TRIM62: variants seen among roughly 807,000 people sequenced by gnomAD.
TRIM62 encodes the protein E3 ubiquitin-protein ligase TRIM62.
A neutral mutation model predicts 44.2 loss-of-function variants in TRIM62; 39 were observed. The ratio of observed to expected loss-of-function variants is 0.88; its 90% CI spans 0.68 to 1.15. TRIM62 has a LOEUF of 1.15. Among genes scored for constraint, TRIM62 ranks in the 50% most tolerant of loss-of-function variants. The pLI is 0.00. For missense variants in TRIM62, 544 were observed against 665.5 expected, an observed-to-expected ratio of 0.82 and a Z score of 2.01; for synonymous variants, 278 against 292.3, an observed-to-expected ratio of 0.95 and a Z score of 0.50.
chr1:33,152,466 C>G (rs139236752), intron 4 of TRIM62, among the ~76,000 whole-genome samples: 3 of 151,630 alleles, frequency 2.0e-5, no homozygotes, highest in Non-Finnish European at 4.4e-5. Flanking sequence ...ACTTGGGAGG[C>G]TGAGGCAGGA....
intron 1 of TRIM62, among the ~76,000 whole-genome samples, chr1:33,178,861 C>G (rs1645440628): frequency 6.6e-6 from 1 of 152,174 alleles, no homozygotes; most frequent in African/African-American, 2.4e-5. Flanking sequence ...TCCTGTGTCC[C>G]CCAGGTCATG....
chr1:33,181,077 A>G lies in TRIM62; in HGVS notation c.356T>C (p.Leu119Pro), dbSNP rs148646894. 1.2e-4 allele frequency: 194 copies of G among 1,599,024 alleles called. No homozygotes were observed. Among genetic ancestry groups the G allele is most frequent in the Non-Finnish European group, 1.6e-4 (187 of 1,178,310 alleles). ...LLCFFCDEPA[L>P]HEQHQVTGID... The stretch of plus-strand genomic sequence containing the variant: ...GCCGGTGACCTGATGCTGCTCGTGC[A>G]GTGCAGGCTCGTCGCAGAAGAAGCA... Residue 119 changes from leucine to proline, a missense_variant, in exon 1 of 5, where the codon CTG (leucine) becomes CCG (proline). Leu to Pro is a moderately conservative substitution (Grantham distance 98, BLOSUM62 -3). Coordinates refer to ENST00000291416, the MANE Select transcript of TRIM62 (RefSeq NM_018207.3). This position sits in a 1 kb window ranked among gnomAD's most constrained non-coding sequence, Gnocchi z 6.5.
At chr1:33,162,674 G>A (rs2335268) in intron 2 of TRIM62, among the ~76,000 whole-genome samples, 3 of 152,268 alleles carry the variant, frequency 2.0e-5, no homozygotes, top group Admixed American at 6.5e-5. Flanking sequence ...TCTCAAGGAC[G>A]AGAGAGGATG....
chr1:33,152,164 A>G (rs1476074736), intron 4 of TRIM62, among the ~76,000 whole-genome samples: 1 of 152,220 alleles, frequency 6.6e-6, no homozygotes, highest in Admixed American at 6.5e-5. Flanking sequence ...CTCTGAGGTA[A>G]GTGGCTTGCT....
In TRIM62 at chr1:33,158,240, A is replaced by G; in HGVS notation, c.877+13T>C. 6.2e-7 allele frequency: 1 copy of G among 1,611,694 alleles called. No homozygotes were observed. The highest frequency in any genetic ancestry group is 8.5e-7 in the Non-Finnish European group (1 of 1,177,960). On this transcript the variant is annotated intron_variant, in intron 4 of 4. Coordinates refer to ENST00000291416, the MANE Select transcript of TRIM62 (RefSeq NM_018207.3). ...CCCCACCTAGCTCTGGACCATGATA[A>G]CCCATGCCTTACCTGGGTGGATGTC... is the stretch of plus-strand genomic sequence containing the variant.
intron 1 of TRIM62, among the ~76,000 whole-genome samples, chr1:33,166,928 TA>T (rs963937479): frequency 3.3e-5 from 5 of 152,308 alleles, no homozygotes; most frequent in African/African-American, 1.2e-4. Flanking sequence ...AATATTGCAT[TA>T]AATACTATTC....
In TRIM62 at chr1:33,145,758, C is replaced by A; in HGVS notation, c.*1419G>T. 1 of 423,800 alleles carries A rather than the reference C, an allele frequency of 2.4e-6. No individual in the cohort carries two copies. The allele number at this position is 423,800 out of a possible 1,614,324, so 26.3% of individuals were successfully genotyped here. On this transcript the variant is annotated 3_prime_UTR_variant, in exon 5 of 5. Transcript: ENST00000291416. ...GCAGGGATAGAGCCAAGGGGCAGGA[C>A]AACCCTAGATGTGGACTCCACCCTC...
chr1:33,149,590 G>A (rs1407934564), intron 4 of TRIM62, among the ~76,000 whole-genome samples: 1 of 151,910 alleles, frequency 6.6e-6, no homozygotes, highest in Non-Finnish European at 1.5e-5. Flanking sequence ...GAGTAGCTGA[G>A]ACTATAGGCA....
chr1:33,160,666 A>C (rs1645253722), intron 2 of TRIM62, among the ~76,000 whole-genome samples: 1 of 152,124 alleles, frequency 6.6e-6, no homozygotes, highest in East Asian at 1.9e-4. Flanking sequence ...TGGCCTCCCA[A>C]AGTGCTGGGA....
intron 1 of TRIM62, among the ~76,000 whole-genome samples, chr1:33,175,520 A>C (rs1645412416): frequency 6.6e-6 from 1 of 152,158 alleles, no homozygotes; most frequent in South Asian, 2.1e-4. Context: ...CAGTTTCCCC[A>C]TCTGCAAAAT....
chr1:33,179,231 G>A (rs72885956), intron 1 of TRIM62, among the ~76,000 whole-genome samples: 2,417 of 152,348 alleles, frequency 0.016, 60 homozygotes, highest in African/African-American at 0.054. Context: ...GCCAAGCCTT[G>A]TGCAGGCTCC....
intron 1 of TRIM62, among the ~76,000 whole-genome samples, chr1:33,168,593 C>T (rs911566691): frequency 3.9e-5 from 6 of 152,194 alleles, no homozygotes; most frequent in African/African-American, 1.2e-4. Flanking sequence ...GAGAGAGAAA[C>T]GCACCCCATC....
At chr1:33,151,559 C>T (rs990551453) in intron 4 of TRIM62, among the ~76,000 whole-genome samples, 2 of 152,142 alleles carry the variant, frequency 1.3e-5, no homozygotes, top group South Asian at 2.1e-4. Context: ...TCAGTTCCTC[C>T]ATCTGTCCCT....
In TRIM62 at chr1:33,177,469, C is replaced by A; in HGVS notation, c.408+3556G>T. 6.6e-6 allele frequency among the ~76,000 whole-genome samples: 1 copy of A among 152,142 alleles called. No individual in the cohort carries two copies. Among genetic ancestry groups the A allele is most frequent in the East Asian group, 1.9e-4 (1 of 5,188 alleles). On this transcript the variant is annotated intron_variant, in intron 1 of 4. Coordinates refer to ENST00000291416, the MANE Select transcript of TRIM62 (RefSeq NM_018207.3). The surrounding 1 kb of genome is among the most constrained non-coding windows in gnomAD (Gnocchi z 4.1). ...CCAAGGACACACAGCATGTCAGGAT[C>A]TGACCCCTGTGATGTAATCTGGAGT... is the stretch of plus-strand genomic sequence containing the variant.
At chr1:33,175,651 C>T (rs4045790) in intron 1 of TRIM62, among the ~76,000 whole-genome samples, 1 of 152,182 alleles carries the variant, frequency 6.6e-6, no homozygotes, top group South Asian at 2.1e-4. Flanking sequence ...AATCTCAGCT[C>T]TTCCTCCTAC....
At position 33,159,908 on chromosome 1, in the gene TRIM62, C is replaced by T. The variant is rs1298427438; in HGVS notation, c.541G>A (p.Ala181Thr). ...AGCAGCCGGTGCAGCCGCTCGAAGG[C>T]CTCGCCGATAGTGGTCCGCAGGCTC... ...TKSLRTTIGEAFERLHRLLRE... is the reference protein window; with the variant it reads ...TKSLRTTIGETFERLHRLLRE... Residue 181 changes from alanine (A) to threonine (T), a missense_variant, in exon 3 of 5, where the codon GCC becomes ACC. Coordinates refer to ENST00000291416, the MANE Select transcript of TRIM62 (RefSeq NM_018207.3). This position sits in a 1 kb window ranked among gnomAD's most constrained non-coding sequence, Gnocchi z 4.2. 3 of 1,608,462 alleles carry T rather than the reference C, an allele frequency of 1.9e-6. No individual in the cohort carries two copies. Among genetic ancestry groups the T allele is most frequent in the African/African-American group, 2.7e-5 (2 of 74,920 alleles).
intron 1 of TRIM62, chr1:33,176,625 G>A (rs1299474998): frequency 2.0e-6 from 1 of 507,556 alleles, no homozygotes; most frequent in African/African-American, 1.9e-5. Context: ...GGCGTCAGCT[G>A]GCACAGATGG....
chr1:33,175,493 T>C (rs992160782), intron 1 of TRIM62, among the ~76,000 whole-genome samples: 4 of 152,168 alleles, frequency 2.6e-5, no homozygotes, highest in Non-Finnish European at 5.9e-5. Context: ...TGAGCTCTGG[T>C]CTAACCCTGG....
intron 1 of TRIM62, among the ~76,000 whole-genome samples, chr1:33,180,218 C>T: frequency 6.6e-6 from 1 of 152,124 alleles, no homozygotes; most frequent in Non-Finnish European, 1.5e-5. Context: ...AAGAGGTCAT[C>T]AAAAACCTCT....
Sources: allele counts gnomAD v4.1 joint callset (sites outside exome capture counted in the v4.1 genomes callset), GRCh38; gene constraint gnomAD v4.1.1; non-coding constraint Gnocchi (gnomAD v3.1); transcripts MANE v1.5; gene names NCBI Gene and HGNC (gene_info 2026-07-23, HGNC 2026-07-21).